The following PARP11 variants were observed in gnomAD, a reference collection of about 807,000 sequenced individuals.
The protein encoded by PARP11 is poly(ADP-ribose) polymerase family member 11, also known as protein mono-ADP-ribosyltransferase PARP11.
Under a neutral mutation model 42.9 loss-of-function variants are expected in PARP11, and 31 were observed. That is an observed-to-expected ratio of 0.72 (90% CI 0.54 to 0.98). The LOEUF (loss-of-function observed/expected upper bound fraction) is 0.98. Among genes scored for constraint, PARP11 ranks in the 50% least tolerant of loss-of-function variants. PARP11 has a pLI of 0.00. For synonymous variants in PARP11, 137 were observed against 127.3 expected, an observed-to-expected ratio of 1.08 and a Z score of -0.51; for missense variants, 365 against 413.1, an observed-to-expected ratio of 0.88 and a Z score of 1.01.
rs1333496160 is a variant in PARP11, at chr12:3,861,753, G to C, written c.18+11459C>G. 6.6e-6 allele frequency among the ~76,000 whole-genome samples: 1 copy of C among 152,018 alleles called. No individual in the cohort carries two copies. The highest frequency in any genetic ancestry group is 1.5e-5 in the Non-Finnish European group (1 of 68,002). ...AAAAAGAATCTTTGTGGCCAGGCGTGGTGGCTCACGCCTGTAATCCCAGTA... is the reference window on the plus strand; with the variant it reads ...AAAAAGAATCTTTGTGGCCAGGCGTCGTGGCTCACGCCTGTAATCCCAGTA... On this transcript the variant is annotated intron_variant, in intron 1 of 7. Coordinates refer to ENST00000228820, the MANE Select transcript of PARP11 (RefSeq NM_020367.6). This position sits in a 1 kb window ranked among gnomAD's most constrained non-coding sequence, Gnocchi z 4.6.
rs549260902 is a variant in PARP11 at position 3,819,557 on chromosome 12, TC to T, written c.548+2315del. 7.2e-5 allele frequency among the ~76,000 whole-genome samples: 11 copies of T among 152,198 alleles called. No individual in the cohort carries two copies. In the South Asian group the frequency reaches 2.3e-3, roughly 32 times the overall value. On this transcript the variant is annotated intron_variant, in intron 6 of 7. Transcript: ENST00000228820. ...AATGTCCCCCAGCAGGTAAAATCAC[TC>T]CCAGTTGAGAACCACTGCTTTAAAT...
rs775671755 is a variant in PARP11, at chr12:3,818,600, C to T, written c.548+3273G>A. ...TAATCCCACATTAGCTGTCTTCTCA[C>T]ATCTCTCATCCTCCTCACTGCCAAG... On this transcript the variant is annotated intron_variant, in intron 6 of 7. Transcript: ENST00000228820. Among the ~76,000 whole-genome samples the T allele has an allele frequency of 6.6e-5, 10 of 152,204 alleles. No individual in the cohort carries two copies. In the South Asian group the frequency reaches 1.7e-3, roughly 25 times the overall value.
chr12:3,832,518 T>C (rs186420251), intron 1 of PARP11, among the ~76,000 whole-genome samples: 3 of 152,350 alleles, frequency 2.0e-5, no homozygotes, highest in African/African-American at 7.2e-5. Context: ...TAACATTTAG[T>C]TTAATTGCTT....
At chr12:3,867,535 T>A (rs1948413693) in intron 1 of PARP11, among the ~76,000 whole-genome samples, 1 of 152,116 alleles carries the variant, frequency 6.6e-6, no homozygotes, top group Admixed American at 6.5e-5. Flanking sequence ...TTAAATAGCG[T>A]GAACCTACTA....
chr12:3,835,005 C>A (rs1291558616), intron 1 of PARP11, among the ~76,000 whole-genome samples: 1 of 152,152 alleles, frequency 6.6e-6, no homozygotes, highest in Non-Finnish European at 1.5e-5. Flanking sequence ...TCCTATGAAG[C>A]CAGGGTTAAA....
chr12:3,854,160 C>G (rs1948149673), intron 1 of PARP11, among the ~76,000 whole-genome samples: 1 of 152,178 alleles, frequency 6.6e-6, no homozygotes, highest in South Asian at 2.1e-4. Flanking sequence ...ATTTACAGCA[C>G]TAAATGCCCA....
Position 3,812,086 on chromosome 12 carries a change from A to G in PARP11, c.*37T>C. ...AGAGCAAACCTTCCTGCAAAAAAGA[A>G]TAAAGCTTCCTTGACCACCGAGATT... On this transcript the variant is annotated 3_prime_UTR_variant, in exon 8 of 8. Transcript: ENST00000228820. 1 of 1,476,542 alleles carries G rather than the reference A, an allele frequency of 6.8e-7. No individual in the cohort carries two copies. Among genetic ancestry groups the G allele is most frequent in the Non-Finnish European group, 9.1e-7 (1 of 1,093,046 alleles). 91.5% of individuals were successfully genotyped at this position (1,476,542 alleles called of 1,614,324 possible). A position where few individuals can be genotyped will look rare whatever the true frequency, so the allele number is the denominator to read the frequency against.
intron 4 of PARP11, among the ~76,000 whole-genome samples, chr12:3,822,837 G>A (rs548437120): frequency 7.9e-5 from 12 of 152,016 alleles, no homozygotes; most frequent in African/African-American, 9.7e-5. Flanking sequence ...GCTGAAACTC[G>A]TATTTATATT....
At chr12:3,839,062 G>A (rs1947828132) in intron 1 of PARP11, among the ~76,000 whole-genome samples, 1 of 152,078 alleles carries the variant, frequency 6.6e-6, no homozygotes. Flanking sequence ...TCGTGGGCGC[G>A]TGTTCGCTCC....
At chr12:3,815,535 T>A (rs1318475986) in intron 6 of PARP11, among the ~76,000 whole-genome samples, 1 of 152,250 alleles carries the variant, frequency 6.6e-6, no homozygotes, top group Non-Finnish European at 1.5e-5. Context: ...TCTTTCTTTA[T>A]CCCAACAGTC....
At chr12:3,825,575 C>G (rs974961313) in intron 4 of PARP11, among the ~76,000 whole-genome samples, 6 of 151,910 alleles carry the variant, frequency 3.9e-5, no homozygotes, top group African/African-American at 4.8e-5. Context: ...GAGCAGAGAC[C>G]ATAAGGCATT....
At chr12:3,862,376 A>G (rs1023114801) in intron 1 of PARP11, among the ~76,000 whole-genome samples, 1 of 152,116 alleles carries the variant, frequency 6.6e-6, no homozygotes, top group African/African-American at 2.4e-5. Flanking sequence ...GCTTGAGCCC[A>G]GGAGTTCAAT....
chr12:3,827,466 T>C (rs11062852), intron 3 of PARP11, among the ~76,000 whole-genome samples: 2 of 152,172 alleles, frequency 1.3e-5, no homozygotes, highest in African/African-American at 4.8e-5. Flanking sequence ...CTGGTGTCTG[T>C]GCATATCATT....
At chr12:3,825,296 G>A (rs745729863) in intron 4 of PARP11, among the ~76,000 whole-genome samples, 14 of 151,970 alleles carry the variant, frequency 9.2e-5, no homozygotes, top group Non-Finnish European at 1.8e-4. Context: ...ACTTCTTATG[G>A]CCAGAGCAAG....
chr12:3,870,693 A>G (rs1948460505), intron 1 of PARP11, among the ~76,000 whole-genome samples: 1 of 152,218 alleles, frequency 6.6e-6, no homozygotes, highest in Admixed American at 6.5e-5. Context: ...ATACTATAGG[A>G]AAAATAACAG....
chr12:3,831,674 A>T (rs1947642410), intron 1 of PARP11, among the ~76,000 whole-genome samples: 1 of 152,064 alleles, frequency 6.6e-6, no homozygotes, highest in African/African-American at 2.4e-5. Context: ...ATTATTTCCC[A>T]TTTTTTTCTT....
chr12:3,871,561 C>T (rs532107543), intron 1 of PARP11, among the ~76,000 whole-genome samples: 1 of 152,256 alleles, frequency 6.6e-6, no homozygotes, highest in East Asian at 1.9e-4. Flanking sequence ...AAAAAAATCA[C>T]CCAGCAATGA....
intron 1 of PARP11, among the ~76,000 whole-genome samples, chr12:3,858,715 T>G (rs1948237233): frequency 6.6e-6 from 1 of 152,224 alleles, no homozygotes; most frequent in Admixed American, 6.5e-5. Flanking sequence ...GTGATGCTAT[T>G]GCACTGCTTA....
intron 3 of PARP11, among the ~76,000 whole-genome samples, chr12:3,826,824 A>G (rs371133153): frequency 6.6e-6 from 1 of 152,232 alleles, no homozygotes; most frequent in Admixed American, 6.5e-5. Context: ...ACTTAAAGGT[A>G]TCATTTTCTG....
Sources: gnomAD v4.1 joint callset for allele counts (sites outside exome capture counted in the v4.1 genomes callset) on GRCh38, gnomAD v4.1.1 for gene constraint, Gnocchi (gnomAD v3.1) non-coding constraint, MANE v1.5 for transcripts, NCBI Gene and HGNC (gene_info 2026-07-23, HGNC 2026-07-21) for gene names.